Variants in CPQ observed in about 807,000 individuals in gnomAD.
CPQ encodes the protein carboxypeptidase Q.
CPQ carries 37 observed loss-of-function variants against 45.7 expected under a neutral mutation model. That is an observed-to-expected ratio of 0.81 (90% CI 0.62 to 1.07). The LOEUF (loss-of-function observed/expected upper bound fraction) is 1.07, where lower values mean the gene tolerates loss of function less well. Among genes scored for constraint, CPQ ranks in the 50% least tolerant of loss-of-function variants. CPQ has a pLI of 0.00. For missense variants in CPQ, 537 were observed against 572.9 expected, an observed-to-expected ratio of 0.94 and a Z score of 0.64; for synonymous variants, 186 against 205.8, an observed-to-expected ratio of 0.90 and a Z score of 0.82.
chr8:96,920,594 T>C (rs967118938), intron 4 of CPQ, among the ~76,000 whole-genome samples: 5 of 152,090 alleles, frequency 3.3e-5, no homozygotes, highest in Non-Finnish European at 7.4e-5. Context: ...CTCCCCAAAT[T>C]CACACATACC....
intron 1 of CPQ, among the ~76,000 whole-genome samples, chr8:96,662,540 G>T (rs1246262783): frequency 1.3e-5 from 2 of 152,140 alleles, no homozygotes; most frequent in African/African-American, 4.8e-5. Flanking sequence ...GGCATAATTA[G>T]GTAGACTTGT....
At chr8:96,988,179 A>C (rs760002822) in intron 5 of CPQ, among the ~76,000 whole-genome samples, 8 of 152,214 alleles carry the variant, frequency 5.3e-5, no homozygotes, top group Non-Finnish European at 1.0e-4. Flanking sequence ...CAGTTTTTAC[A>C]TGCTCTTTTT....
At chr8:97,009,676 T>C (rs1809447385) in intron 5 of CPQ, among the ~76,000 whole-genome samples, 1 of 152,240 alleles carries the variant, frequency 6.6e-6, no homozygotes, top group Non-Finnish European at 1.5e-5. Context: ...CATCCACATC[T>C]TGAGTCATTT....
chr8:96,896,049 C>CT (rs945501828), intron 4 of CPQ, among the ~76,000 whole-genome samples: 40 of 152,028 alleles, frequency 2.6e-4, no homozygotes, highest in African/African-American at 9.4e-4. Flanking sequence ...TAATAAGACT[C>CT]TAAGAACCTT....
At chr8:97,104,787 A>G (rs1396315411) in intron 7 of CPQ, among the ~76,000 whole-genome samples, 3 of 152,142 alleles carry the variant, frequency 2.0e-5, no homozygotes, top group African/African-American at 4.8e-5. Context: ...GCATAGGACT[A>G]TTTAGAGATT....
chr8:96,901,455 T>C (rs1251457546), intron 4 of CPQ, among the ~76,000 whole-genome samples: 1 of 152,188 alleles, frequency 6.6e-6, no homozygotes, highest in Non-Finnish European at 1.5e-5. Context: ...TATGAAACCA[T>C]TCCAATTTGT....
At chr8:96,890,279 A>G (rs983997492) in intron 4 of CPQ, among the ~76,000 whole-genome samples, 1 of 152,234 alleles carries the variant, frequency 6.6e-6, no homozygotes, top group Non-Finnish European at 1.5e-5. Context: ...CAAAATTAGG[A>G]GGAAATATTC....
At chr8:96,816,406 A>T (rs959594145) in intron 2 of CPQ, among the ~76,000 whole-genome samples, 29 of 152,120 alleles carry the variant, frequency 1.9e-4, no homozygotes, top group African/African-American at 6.3e-4. Flanking sequence ...TATTTCTCCT[A>T]CATCTGCAGG....
intron 7 of CPQ, among the ~76,000 whole-genome samples, chr8:97,080,686 AT>A (rs1405189807): frequency 6.6e-6 from 1 of 152,074 alleles, no homozygotes; most frequent in Non-Finnish European, 1.5e-5. Context: ...CCTTTATTCC[AT>A]TTTTTTATAA....
intron 5 of CPQ, among the ~76,000 whole-genome samples, chr8:96,973,547 A>T (rs1322167506): frequency 6.6e-6 from 1 of 152,216 alleles, no homozygotes; most frequent in Non-Finnish European, 1.5e-5. Flanking sequence ...CCAAAAGATC[A>T]TCACCTAGGC....
At chr8:96,885,593 T>C (rs1463177617) in intron 4 of CPQ, among the ~76,000 whole-genome samples, 1 of 152,204 alleles carries the variant, frequency 6.6e-6, no homozygotes, top group African/African-American at 2.4e-5. Flanking sequence ...ATGTGGTAAA[T>C]ATCAGCTTTA....
At chr8:97,038,825 CAAAAAAAAAAA>C (rs35739621) in intron 6 of CPQ, among the ~76,000 whole-genome samples, 2,657 of 91,972 alleles carry the variant, frequency 0.029, 95 homozygotes, top group African/African-American at 0.11. Context: ...ACCGTATTTA[CAAAAAAAAAAA>C]AAAAAAAAAA....
rs188437013 is a variant in CPQ at position 96,770,714 on chromosome 8, T to C, written c.-34-14150T>C. On this transcript the variant is annotated intron_variant, in intron 1 of 7. Transcript: ENST00000220763. ...TGAGTGTTATTTTATATATATATAT[T>C]ATATATATATAAAATATATAATATG... Among the ~76,000 whole-genome samples, 3 of 144,118 alleles carry C rather than the reference T, an allele frequency of 2.1e-5. No individual in the cohort carries two copies. In the Admixed American group the frequency reaches 2.1e-4, roughly 10 times the overall value. 94.5% of individuals were successfully genotyped at this position (144,118 alleles called of 152,430 possible). A position where few individuals can be genotyped will look rare whatever the true frequency, so the allele number is the denominator to read the frequency against.
chr8:96,780,851 C>T (rs1164448452), intron 1 of CPQ, among the ~76,000 whole-genome samples: 1 of 151,752 alleles, frequency 6.6e-6, no homozygotes, highest in African/African-American at 2.4e-5. Context: ...CAACACATTT[C>T]AAGGGCTCAA....
intron 7 of CPQ, among the ~76,000 whole-genome samples, chr8:97,127,409 A>T (rs1415084349): frequency 6.6e-6 from 1 of 152,194 alleles, no homozygotes; most frequent in Non-Finnish European, 1.5e-5. Context: ...TCATTGAAAT[A>T]CAAATTAAGG....
intron 5 of CPQ, among the ~76,000 whole-genome samples, chr8:97,009,867 T>G (rs1169273286): frequency 3.3e-5 from 5 of 152,246 alleles, no homozygotes; most frequent in Admixed American, 1.3e-4. Context: ...TTGTACATTT[T>G]CTGTGATTTC....
chr8:96,702,241 G>C (rs1398411507), intron 1 of CPQ, among the ~76,000 whole-genome samples: 1 of 152,152 alleles, frequency 6.6e-6, no homozygotes, highest in East Asian at 1.9e-4. Context: ...GTTGAAGGAA[G>C]TGCCATCTTA....
At chr8:96,911,131 T>C (rs1424403147) in intron 4 of CPQ, among the ~76,000 whole-genome samples, 1 of 152,190 alleles carries the variant, frequency 6.6e-6, no homozygotes, top group African/African-American at 2.4e-5. Flanking sequence ...ACGTGCTTTT[T>C]ACCCACCAGA....
intron 5 of CPQ, among the ~76,000 whole-genome samples, chr8:96,977,982 A>T (rs1056182086): frequency 3.9e-5 from 6 of 152,148 alleles, no homozygotes; most frequent in African/African-American, 1.2e-4. Flanking sequence ...AATAAAAAAA[A>T]ATTTTTTAAA....
Sources: gnomAD v4.1 joint callset for allele counts (sites outside exome capture counted in the v4.1 genomes callset) on GRCh38, gnomAD v4.1.1 for gene constraint, MANE v1.5 for transcripts, NCBI Gene and HGNC (gene_info 2026-07-23, HGNC 2026-07-21) for gene names.